The following HS6ST3 variants were observed in gnomAD, a reference collection of about 807,000 sequenced individuals.
The protein encoded by HS6ST3 is heparan-sulfate 6-O-sulfotransferase 3.
In HS6ST3, 12 loss-of-function variants were observed where a neutral mutation model predicts 36.7. That is an observed-to-expected ratio of 0.33 (90% CI 0.21 to 0.53). HS6ST3 has a LOEUF of 0.53. Ranked by LOEUF, HS6ST3 falls within the 20% of genes least tolerant of loss-of-function variation. The pLI is 0.95. For missense variants in HS6ST3, 584 were observed against 640.9 expected (o/e 0.91, Z 0.96); for synonymous variants, 240 against 257.5 (o/e 0.93, Z 0.65).
chr13:96,149,050 T>C (rs561619167), intron 1 of HS6ST3, among the ~76,000 whole-genome samples: 12 of 152,290 alleles, frequency 7.9e-5, no homozygotes, highest in Non-Finnish European at 1.3e-4. Flanking sequence ...TAGTAAAATA[T>C]AGCGTCTCAT....
At chr13:96,563,224 C>T (rs776798964) in intron 1 of HS6ST3, among the ~76,000 whole-genome samples, 5 of 152,206 alleles carry the variant, frequency 3.3e-5, no homozygotes, top group Non-Finnish European at 5.9e-5. Context: ...GGCTGGATTT[C>T]CATCACATTA....
intron 1 of HS6ST3, among the ~76,000 whole-genome samples, chr13:96,342,169 T>C (rs1345094667): frequency 1.3e-5 from 2 of 152,246 alleles, no homozygotes; most frequent in Non-Finnish European, 2.9e-5. Flanking sequence ...TTTAAATTTT[T>C]CTTTAAATTT....
intron 1 of HS6ST3, among the ~76,000 whole-genome samples, chr13:96,737,480 C>A (rs943657728): frequency 6.6e-6 from 1 of 150,610 alleles, no homozygotes; most frequent in Admixed American, 6.6e-5. Context: ...AAAAAATTAG[C>A]CGGGCGCGGT....
intron 1 of HS6ST3, among the ~76,000 whole-genome samples, chr13:96,812,797 A>C (rs565006303): frequency 5.7e-4 from 86 of 151,658 alleles, no homozygotes; most frequent in African/African-American, 1.8e-3. Flanking sequence ...ACACACACAC[A>C]CCCCTTAGGC....
At chr13:96,390,948 TA>T (rs2055392339) in intron 1 of HS6ST3, among the ~76,000 whole-genome samples, 1 of 152,184 alleles carries the variant, frequency 6.6e-6, no homozygotes, top group Admixed American at 6.5e-5. Flanking sequence ...ATTGAGGTGC[TA>T]AAGCCCTAGT....
intron 1 of HS6ST3, among the ~76,000 whole-genome samples, chr13:96,634,750 G>A (rs2056543285): frequency 6.6e-6 from 1 of 152,134 alleles, no homozygotes; most frequent in Non-Finnish European, 1.5e-5. Context: ...CATTTGCAGA[G>A]GTGCCTGCTT....
At chr13:96,138,274 A>G (rs763543824) in intron 1 of HS6ST3, among the ~76,000 whole-genome samples, 2 of 152,046 alleles carry the variant, frequency 1.3e-5, no homozygotes, top group Non-Finnish European at 2.9e-5. Flanking sequence ...TTATCACTTT[A>G]TACTAGCTAA....
At chr13:96,662,297 G>A (rs1485636542) in intron 1 of HS6ST3, among the ~76,000 whole-genome samples, 1 of 151,956 alleles carries the variant, frequency 6.6e-6, no homozygotes, top group Non-Finnish European at 1.5e-5. Context: ...CATTTTTTAT[G>A]TAGTTCTATT....
At chr13:96,180,320 T>C (rs1244657773) in intron 1 of HS6ST3, among the ~76,000 whole-genome samples, 1 of 151,980 alleles carries the variant, frequency 6.6e-6, no homozygotes, top group Non-Finnish European at 1.5e-5. Flanking sequence ...TTCCTCCATA[T>C]TAGCCAGTTT....
At chr13:96,503,606 T>A (rs1230842875) in intron 1 of HS6ST3, among the ~76,000 whole-genome samples, 2 of 151,936 alleles carry the variant, frequency 1.3e-5, no homozygotes, top group Non-Finnish European at 2.9e-5. Context: ...GGGGTTCTTA[T>A]GGGGGAGAAT....
chr13:96,332,442 T>C (rs1013266926), intron 1 of HS6ST3, among the ~76,000 whole-genome samples: 7 of 152,224 alleles, frequency 4.6e-5, no homozygotes, highest in African/African-American at 1.4e-4. Context: ...TAACAATCTG[T>C]TGAATTTGCC....
chr13:96,364,236 G>T lies in HS6ST3; in HGVS notation c.707+272667G>T, dbSNP rs576525242. 2.0e-5 allele frequency among the ~76,000 whole-genome samples: 3 copies of T among 152,220 alleles called. No individual in the cohort carries two copies. The South Asian group carries it at 6.2e-4, about 32-fold the overall frequency. On this transcript the variant is annotated intron_variant, in intron 1 of 1. Coordinates refer to ENST00000376705, the MANE Select transcript of HS6ST3 (RefSeq NM_153456.4). ...AAACAGTTTGATGATGCCTCAAAAA[G>T]TTAAACATAGAACTAGCATGTGATC...
At chr13:96,769,736 G>C (rs1170110952) in intron 1 of HS6ST3, among the ~76,000 whole-genome samples, 1 of 35,824 alleles carries the variant, frequency 2.8e-5, no homozygotes, top group African/African-American at 5.3e-5. Context: ...TCCTAGCTCT[G>C]TGTGTGTGTG....
At chr13:96,519,593 G>A (rs1051737702) in intron 1 of HS6ST3, among the ~76,000 whole-genome samples, 1 of 152,178 alleles carries the variant, frequency 6.6e-6, no homozygotes, top group Non-Finnish European at 1.5e-5. Context: ...TCTGCCCTTG[G>A]GCAGTTACAA....
intron 1 of HS6ST3, among the ~76,000 whole-genome samples, chr13:96,099,779 T>A (rs946310375): frequency 5.3e-5 from 8 of 152,240 alleles, no homozygotes; most frequent in Non-Finnish European, 1.2e-4. Flanking sequence ...TTTATTAGAT[T>A]TACAAAGTAT....
intron 1 of HS6ST3, among the ~76,000 whole-genome samples, chr13:96,152,407 A>G (rs541196243): frequency 4.7e-4 from 67 of 143,864 alleles, no homozygotes; most frequent in African/African-American, 1.6e-3. Context: ...GAGCGATCTC[A>G]GCTCACTGCA....
chr13:96,781,850 G>A (rs757211640), intron 1 of HS6ST3, among the ~76,000 whole-genome samples: 11 of 152,104 alleles, frequency 7.2e-5, no homozygotes, highest in Admixed American at 2.0e-4. Flanking sequence ...TATTACAGAG[G>A]AATGACAAAT....
chr13:96,767,878 A>C (rs565442046), intron 1 of HS6ST3, among the ~76,000 whole-genome samples: 124 of 152,318 alleles, frequency 8.1e-4, no homozygotes, highest in African/African-American at 2.7e-3. Context: ...AACTCTGTCA[A>C]ATAGATCCTC....
intron 1 of HS6ST3, among the ~76,000 whole-genome samples, chr13:96,177,146 A>G (rs1012842135): frequency 6.6e-6 from 1 of 152,216 alleles, no homozygotes; most frequent in Non-Finnish European, 1.5e-5. Context: ...TTGTGGAGAA[A>G]AGAGGAATGC....
Sources: gnomAD v4.1 joint callset for allele counts (sites outside exome capture counted in the v4.1 genomes callset) on GRCh38, gnomAD v4.1.1 for gene constraint, MANE v1.5 for transcripts, NCBI Gene and HGNC (gene_info 2026-07-23, HGNC 2026-07-21) for gene names.